ZNF827: variants seen among roughly 807,000 people sequenced by gnomAD.
The protein encoded by ZNF827 is zinc finger protein 827.
In ZNF827, 13 loss-of-function variants were observed where a neutral mutation model predicts 102.4. That is an observed-to-expected ratio of 0.13 (90% confidence interval 0.08 to 0.20). The LOEUF is 0.20. Ranked by LOEUF, ZNF827 falls within the 10% of genes least tolerant of loss-of-function variation. The pLI is 1.00. For missense variants in ZNF827, 1,103 were observed against 1,344.4 expected, an observed-to-expected ratio of 0.82 and a Z score of 2.81; for synonymous variants, 523 against 536.2, an observed-to-expected ratio of 0.98 and a Z score of 0.34.
intron 4 of ZNF827, among the ~76,000 whole-genome samples, chr4:145,873,965 C>A (rs554083488): frequency 6.6e-6 from 1 of 152,062 alleles, no homozygotes; most frequent in South Asian, 2.1e-4. Flanking sequence ...TGCTTCCTTG[C>A]TGCATCTTTT....
At position 145,902,937 on chromosome 4, in the gene ZNF827, A is replaced by G; in HGVS notation, c.322T>C (p.Leu108=). 6.2e-7 allele frequency: 1 copy of G among 1,614,180 alleles called. No homozygotes were observed. The highest frequency in any genetic ancestry group is 8.5e-7 in the Non-Finnish European group (1 of 1,180,028). ...QDHLSPGVSS[L]CDDDPGSNKP... is the part of the protein sequence containing the mutation. ...TTGGAGCCTGGGTCATCGTCACACA[A>G]AGAAGACACTCCCGGGGAAAGGTGA... The change falls in exon 2 of 15, where the codon TTG becomes CTG. Residue 108 remains leucine, a synonymous_variant. Transcript: ENST00000508784. This position sits in a 1 kb window ranked among gnomAD's most constrained non-coding sequence, Gnocchi z 4.3.
At chr4:145,787,332 G>A (rs773256330) in intron 8 of ZNF827, among the ~76,000 whole-genome samples, 3 of 151,890 alleles carry the variant, frequency 2.0e-5, no homozygotes, top group East Asian at 1.9e-4. Flanking sequence ...GCGTGGTGGC[G>A]CGCGCCTGTA....
chr4:145,822,539 A>C (rs1428167617), intron 8 of ZNF827, among the ~76,000 whole-genome samples: 1 of 152,178 alleles, frequency 6.6e-6, no homozygotes, highest in African/African-American at 2.4e-5. Flanking sequence ...CCCTGCTGTG[A>C]GTACTGCCCT....
chr4:145,875,507 AG>A (rs1381229251), intron 4 of ZNF827, among the ~76,000 whole-genome samples: 1 of 152,230 alleles, frequency 6.6e-6, no homozygotes, highest in Non-Finnish European at 1.5e-5. Context: ...ACTGTTCATG[AG>A]AAAGGGAAGG....
intron 4 of ZNF827, among the ~76,000 whole-genome samples, chr4:145,882,548 A>C (rs1407867623): frequency 6.6e-6 from 1 of 152,126 alleles, no homozygotes; most frequent in East Asian, 1.9e-4. Context: ...TCCATTTAAA[A>C]CAGTATTCTA....
In ZNF827 at chr4:145,760,864, G is replaced by T; in HGVS notation, c.*752C>A. The T allele has an allele frequency of 8.2e-7, 1 of 1,219,656 alleles. No individual in the cohort carries two copies. The highest frequency in any genetic ancestry group is 1.0e-6 in the Non-Finnish European group (1 of 955,598). The allele number at this position is 1,219,656 out of a possible 1,614,324, so 75.6% of individuals were successfully genotyped here. A position where few individuals can be genotyped will look rare whatever the true frequency, so the allele number is the denominator to read the frequency against. On this transcript the variant is annotated 3_prime_UTR_variant, in exon 15 of 15. Coordinates refer to ENST00000508784, the MANE Select transcript of ZNF827 (RefSeq NM_001306215.2). ...GGGGATGCTGGGAGGCGCAGTCTGA[G>T]GTCGGGGAGGGTGGAATGTGAGATC...
chr4:145,779,335 G>C (rs1737603735), intron 9 of ZNF827, 39 bp downstream of exon 9: 1 of 1,598,666 alleles, frequency 6.3e-7, no homozygotes, highest in Non-Finnish European at 8.5e-7. Flanking sequence ...GTTGGTGATG[G>C]AGCATAGAGG....
chr4:145,781,210 A>G (rs1403030477), intron 8 of ZNF827, among the ~76,000 whole-genome samples: 11 of 126,354 alleles, frequency 8.7e-5, no homozygotes, highest in Admixed American at 2.5e-4. Flanking sequence ...AAAAAAAAAA[A>G]AAAAAAAGAA....
intron 1 of ZNF827, among the ~76,000 whole-genome samples, chr4:145,923,202 T>G (rs1041277482): frequency 1.3e-5 from 2 of 152,182 alleles, no homozygotes; most frequent in Non-Finnish European, 2.9e-5. Context: ...AGCTATCTCT[T>G]TTTGAGTCTT....
chr4:145,874,877 C>T lies in ZNF827; in HGVS notation c.1748-4399G>A, dbSNP rs533369215. Among the ~76,000 whole-genome samples, 44 of 152,278 alleles carry T rather than the reference C, an allele frequency of 2.9e-4. 1 individual carries two copies. The South Asian group carries it at 2.9e-3, about 10-fold the overall frequency. On this transcript the variant is annotated intron_variant, in intron 4 of 14. Coordinates refer to ENST00000508784, the MANE Select transcript of ZNF827 (RefSeq NM_001306215.2). The stretch of plus-strand genomic sequence containing the variant: ...TCCCAGCATCGTAGGACCTGGGCCA[C>T]GCTGCTGATCAATTACACATACCTC...
intron 9 of ZNF827, among the ~76,000 whole-genome samples, chr4:145,779,147 G>A (rs554496619): frequency 6.6e-6 from 1 of 152,274 alleles, no homozygotes; most frequent in East Asian, 1.9e-4. Flanking sequence ...AACCTAAATT[G>A]TGTATATTTT....
intron 13 of ZNF827, 25 bp downstream of exon 13, chr4:145,764,963 A>G: frequency 6.2e-7 from 1 of 1,609,616 alleles, no homozygotes; most frequent in East Asian, 2.2e-5. Context: ...AACGCAGTAA[A>G]AGGTTCTGTA....
chr4:145,898,669 C>A (rs901921386), intron 2 of ZNF827, among the ~76,000 whole-genome samples: 1 of 152,118 alleles, frequency 6.6e-6, no homozygotes, highest in Non-Finnish European at 1.5e-5. Flanking sequence ...ATGAAAGAAA[C>A]CTCCCCCTCA....
chr4:145,900,172 C>T (rs1428740495), intron 2 of ZNF827, among the ~76,000 whole-genome samples: 1 of 152,146 alleles, frequency 6.6e-6, no homozygotes, highest in Non-Finnish European at 1.5e-5. Flanking sequence ...ATTATATTCA[C>T]AACCATTGCT....
At chr4:145,799,852 A>G (rs1466709311) in intron 8 of ZNF827, among the ~76,000 whole-genome samples, 2 of 152,226 alleles carry the variant, frequency 1.3e-5, no homozygotes, top group Admixed American at 6.5e-5. Context: ...ATAGTAGACC[A>G]TAAGATGGAA....
At chr4:145,912,929 T>G (rs558911251) in intron 1 of ZNF827, among the ~76,000 whole-genome samples, 1 of 152,318 alleles carries the variant, frequency 6.6e-6, no homozygotes, top group South Asian at 2.1e-4. Flanking sequence ...GCCTGAGGCA[T>G]TTTTCCTGAA....
chr4:145,932,464 G>T (rs1437163855), intron 1 of ZNF827, among the ~76,000 whole-genome samples: 1 of 146,694 alleles, frequency 6.8e-6, no homozygotes, highest in Non-Finnish European at 1.5e-5. Context: ...GACATTAATA[G>T]AACTCCTTGT....
At chr4:145,823,605 T>C (rs1743375049) in intron 7 of ZNF827, 80 bp from the exon 8 acceptor site, 11 of 878,028 alleles carry the variant, frequency 1.3e-5, no homozygotes, top group Middle Eastern at 2.2e-4. Context: ...CAAATACATA[T>C]ATACGCAATA....
intron 4 of ZNF827, among the ~76,000 whole-genome samples, chr4:145,882,182 G>A (rs576492287): frequency 7.2e-5 from 11 of 152,272 alleles, no homozygotes; most frequent in Admixed American, 2.6e-4. Context: ...GTGACCACTG[G>A]CTCACCTGCC....
Sources: allele counts gnomAD v4.1 joint callset (sites outside exome capture counted in the v4.1 genomes callset), GRCh38; gene constraint gnomAD v4.1.1; non-coding constraint Gnocchi (gnomAD v3.1); transcripts MANE v1.5; gene names NCBI Gene and HGNC (gene_info 2026-07-23, HGNC 2026-07-21).